Variants in PSD2 observed in about 807,000 individuals in gnomAD.
PSD2 encodes the protein PH and SEC7 domain-containing protein 2.
Under a neutral mutation model 69.8 loss-of-function variants are expected in PSD2, and 38 were observed. The ratio of observed to expected loss-of-function variants is 0.54; its 90% CI spans 0.42 to 0.71. The LOEUF is 0.71. Ranked by LOEUF, PSD2 falls within the 30% of genes least tolerant of loss-of-function variation. The pLI is 0.00. For missense variants in PSD2, 943 were observed against 1,014.5 expected (o/e 0.93, Z 0.96); for synonymous variants, 412 against 423.0 (o/e 0.97, Z 0.32).
chr5:139,791,484 T>G (rs1012145963), upstream of PSD2, among the ~76,000 whole-genome samples: 4 of 151,076 alleles, frequency 2.6e-5, no homozygotes, highest in African/African-American at 9.8e-5. Context: ...CTCAACAAAC[T>G]AGGAATAGAA....
intron 7 of PSD2, among the ~76,000 whole-genome samples, chr5:139,830,771 T>C (rs1268789251): frequency 1.4e-5 from 2 of 147,374 alleles, no homozygotes; most frequent in Non-Finnish European, 3.0e-5. Flanking sequence ...CCTTCCACCT[T>C]GGCTTCCCAA....
the PSD2 span, among the ~76,000 whole-genome samples, chr5:139,766,609 T>C: frequency 6.6e-6 from 1 of 152,222 alleles, no homozygotes; most frequent in African/African-American, 2.4e-5. Flanking sequence ...TGTGATTTTG[T>C]GCCCATTCCA....
chr5:139,835,839 G>C lies in PSD2; in HGVS notation c.1403+73G>C, dbSNP rs532178165. 16 of 1,414,928 alleles carry C rather than the reference G, an allele frequency of 1.1e-5. No individual in the cohort carries two copies. The East Asian group carries it at 3.0e-4, about 26-fold the overall frequency. 87.6% of individuals were successfully genotyped at this position (1,414,928 alleles called of 1,614,324 possible). A position where few individuals can be genotyped will look rare whatever the true frequency, so the allele number is the denominator to read the frequency against. ...TGGGGGAGTGTGGGGGTGCAGGTCC[G>C]ACATTCTGACCACTCTCCATGGTGC... On this transcript the variant is annotated intron_variant, in intron 9 of 14. Coordinates refer to ENST00000274710, the MANE Select transcript of PSD2 (RefSeq NM_032289.4).
At chr5:139,747,729 T>G in the PSD2 span, among the ~76,000 whole-genome samples, 1 of 152,206 alleles carries the variant, frequency 6.6e-6, no homozygotes, top group Non-Finnish European at 1.5e-5. The surrounding 1 kb of genome is among the most constrained non-coding windows in gnomAD (Gnocchi z 6.7). Context: ...CCGCCAAAGT[T>G]TCACAGCCAT....
the PSD2 span, among the ~76,000 whole-genome samples, chr5:139,755,021 T>C: frequency 7.2e-5 from 11 of 152,152 alleles, no homozygotes; most frequent in Non-Finnish European, 1.5e-4. Context: ...CAGCCAACAT[T>C]TAGTGCTTGC....
chr5:139,799,116 G>T (rs1281319565), intron 1 of PSD2, among the ~76,000 whole-genome samples: 1 of 152,124 alleles, frequency 6.6e-6, no homozygotes, highest in Non-Finnish European at 1.5e-5. Context: ...CCTTCTCAGT[G>T]CATGATATTG....
intron 2 of PSD2, among the ~76,000 whole-genome samples, chr5:139,810,581 G>C (rs1759932157): frequency 6.6e-6 from 1 of 152,148 alleles, no homozygotes; most frequent in South Asian, 2.1e-4. Flanking sequence ...TGGTATGCAT[G>C]GGGTTGGTGG....
the PSD2 span, among the ~76,000 whole-genome samples, chr5:139,751,641 G>A: frequency 3.3e-5 from 5 of 152,294 alleles, no homozygotes; most frequent in Admixed American, 1.3e-4. Context: ...GTAATAGTGC[G>A]TGTTTCACAG....
rs1244933044 is a variant in PSD2, at chr5:139,844,208, C to G, written c.*1734C>G. On this transcript the variant is annotated 3_prime_UTR_variant, in exon 15 of 15. Transcript: ENST00000274710. ...TGTGAGTTTCGGGGTCAGTGTCCCA[C>G]CCTTCACTTCCCGAGGGCGGGTGAG... is the stretch of plus-strand genomic sequence containing the variant. 1 of 152,220 alleles carries G rather than the reference C, an allele frequency of 6.6e-6. No homozygotes were observed. The highest frequency in any genetic ancestry group is 1.5e-5 in the Non-Finnish European group (1 of 68,034). 9.4% of individuals were successfully genotyped at this position (152,220 alleles called of 1,614,324 possible). A position where few individuals can be genotyped will look rare whatever the true frequency, so the allele number is the denominator to read the frequency against.
Position 139,837,655 on chromosome 5 carries a change from G to A in PSD2, c.1696G>A (p.Glu566Lys), listed in dbSNP as rs1760769344. ...DEYRPDKALS[E>K]GDLKNAIRVH... ...GTACAGGCCTGACAAAGCTCTATCGGAGGGTGACCTGAAGAACGCCATTCG... is the reference window on the plus strand; with the variant it reads ...GTACAGGCCTGACAAAGCTCTATCGAAGGGTGACCTGAAGAACGCCATTCG... Residue 566 changes from glutamate to lysine, a missense_variant, in exon 12 of 15, where the codon GAG (glutamate) becomes AAG (lysine). Physicochemically the swap from Glu to Lys is moderately conservative, Grantham distance 56 (BLOSUM62 1). Coordinates refer to ENST00000274710, the MANE Select transcript of PSD2 (RefSeq NM_032289.4). This position sits in a 1 kb window ranked among gnomAD's most constrained non-coding sequence, Gnocchi z 5.0. 1 of 1,613,554 alleles carries A rather than the reference G, an allele frequency of 6.2e-7. No individual in the cohort carries two copies. The highest frequency in any genetic ancestry group is 1.3e-5 in the African/African-American group (1 of 74,924).
chr5:139,750,169 CA>C, the PSD2 span, among the ~76,000 whole-genome samples: 4 of 151,882 alleles, frequency 2.6e-5, no homozygotes, highest in East Asian at 5.8e-4. Context: ...ACTAAAAATA[CA>C]AAAAAATTAG....
chr5:139,815,756 G>A (rs1010731779), intron 4 of PSD2, among the ~76,000 whole-genome samples: 1 of 152,174 alleles, frequency 6.6e-6, no homozygotes, highest in African/African-American at 2.4e-5. Flanking sequence ...CACTTTGGGA[G>A]GCCGAGGTGG....
the PSD2 span, chr5:139,775,189 C>CAG: frequency 6.6e-6 from 1 of 152,386 alleles, no homozygotes; most frequent in Non-Finnish European, 1.5e-5. Flanking sequence ...GCACTGAGGT[C>CAG]AGATTACTCC....
intron 7 of PSD2, among the ~76,000 whole-genome samples, chr5:139,824,625 C>T (rs774375819): frequency 2.6e-5 from 4 of 152,082 alleles, no homozygotes; most frequent in South Asian, 2.1e-4. Context: ...AGATTAGGAG[C>T]GCAGGCTCTG....
chr5:139,806,004 G>T (rs1759796608), intron 1 of PSD2, among the ~76,000 whole-genome samples: 1 of 152,316 alleles, frequency 6.6e-6, no homozygotes, highest in Non-Finnish European at 1.5e-5. Flanking sequence ...CCCAGGAAGT[G>T]CTTGACTCTG....
chr5:139,830,565 C>CCTTCCTTCCTTCCTTCCTTTCTTTCTTT (rs1554096354), intron 7 of PSD2, among the ~76,000 whole-genome samples: 4 of 120,364 alleles, frequency 3.3e-5, no homozygotes, highest in African/African-American at 1.5e-4. Flanking sequence ...TTCCTTCCTT[C>CCTTCCTTCCTTCCTTCCTTTCTTTCTTT]CTTTCTTTCT....
At chr5:139,791,755 C>A (rs1287662847), upstream of PSD2, among the ~76,000 whole-genome samples, 1 of 152,240 alleles carries the variant, frequency 6.6e-6, no homozygotes, top group Non-Finnish European at 1.5e-5. Flanking sequence ...CTTCATGTAA[C>A]CCAGCACCCT....
chr5:139,766,515 G>C, the PSD2 span, among the ~76,000 whole-genome samples: 102,799 of 152,098 alleles, frequency 0.68, 36,599 homozygotes, highest in Admixed American at 0.78. Flanking sequence ...GATGGAGCTA[G>C]AGCAGAAGGG....
chr5:139,830,551 T>TTCCTTCCC (rs1264922611), intron 7 of PSD2, among the ~76,000 whole-genome samples: 4 of 135,740 alleles, frequency 2.9e-5, no homozygotes, highest in Middle Eastern at 3.4e-3. Context: ...CCTTCCTTCC[T>TTCCTTCCC]TCCTTCCTTC....
Sources: gnomAD v4.1 joint callset for allele counts (sites outside exome capture counted in the v4.1 genomes callset) on GRCh38, gnomAD v4.1.1 for gene constraint, Gnocchi (gnomAD v3.1) non-coding constraint, MANE v1.5 for transcripts, NCBI Gene and HGNC (gene_info 2026-07-23, HGNC 2026-07-21) for gene names.